The following ACSS2 variants were observed in gnomAD, a reference collection of about 807,000 sequenced individuals.
The protein encoded by ACSS2 is acyl-CoA synthetase short chain family member 2, also known as acetyl-coenzyme A synthetase, cytoplasmic.
A neutral mutation model predicts 90.6 loss-of-function variants in ACSS2; 58 were observed. The ratio of observed to expected loss-of-function variants is 0.64; its 90% CI spans 0.52 to 0.80. The LOEUF is 0.80. Among genes scored for constraint, ACSS2 ranks in the 30% least tolerant of loss-of-function variants. The probability of loss-of-function intolerance (pLI) is 0.00; values close to 1 mark genes in which losing one functional copy is unlikely to be tolerated. For missense variants in ACSS2, 759 were observed against 912.0 expected (o/e 0.83, Z 2.16); for synonymous variants, 300 against 330.9 (o/e 0.91, Z 1.01).
At chr20:34,882,522 T>A (rs1343938282) in intron 1 of ACSS2, among the ~76,000 whole-genome samples, 1 of 151,956 alleles carries the variant, frequency 6.6e-6, no homozygotes, top group Non-Finnish European at 1.5e-5. Flanking sequence ...CTCGGGAGGC[T>A]GAGGCAGGAG....
Position 34,913,480 on chromosome 20 carries a change from C to T in ACSS2, c.554C>T (p.Ala185Val). The T allele has an allele frequency of 6.2e-7, 1 of 1,612,628 alleles. No homozygotes were observed. Among genetic ancestry groups the T allele is most frequent in the African/African-American group, 1.3e-5 (1 of 74,694 alleles). ...VAMLACARIG[A>V]LHSIVFAGFS... ...ATGCTGGCATGTGCCCGCATTGGGG[C>T]TTTGCACTCCATTGTGGTAGGAGTT... Residue 185 changes from alanine to valine, a missense_variant, in exon 4 of 18, where the codon GCT (alanine) becomes GTT (valine). Coordinates refer to ENST00000360596, the MANE Select transcript of ACSS2 (RefSeq NM_018677.4).
intron 2 of ACSS2, among the ~76,000 whole-genome samples, chr20:34,906,908 C>T (rs1467314544): frequency 6.9e-6 from 1 of 144,664 alleles, no homozygotes; most frequent in Admixed American, 7.0e-5. Flanking sequence ...TGCTTGAACC[C>T]TGGAGGCGGA....
chr20:34,890,830 C>G (rs1349963684), intron 2 of ACSS2, among the ~76,000 whole-genome samples: 1 of 151,748 alleles, frequency 6.6e-6, no homozygotes, highest in Non-Finnish European at 1.5e-5. Flanking sequence ...AGGATTGACC[C>G]TAGGACAGAA....
intron 2 of ACSS2, among the ~76,000 whole-genome samples, chr20:34,899,141 C>T (rs1267253912): frequency 2.0e-5 from 3 of 152,206 alleles, no homozygotes. Flanking sequence ...CTCCAGCTGG[C>T]CCGCAAGCTC....
chr20:34,901,621 T>G (rs1253588215), intron 2 of ACSS2, among the ~76,000 whole-genome samples: 3 of 152,242 alleles, frequency 2.0e-5, no homozygotes, highest in African/African-American at 7.2e-5. Flanking sequence ...CAGTGCTTTA[T>G]GGATCACAGA....
chr20:34,919,721 A>G, intron 8 of ACSS2, 149 bp downstream of exon 8: 1 of 1,268,270 alleles, frequency 7.9e-7, no homozygotes, highest in Admixed American at 2.3e-5. Context: ...TCTTTTCTAA[A>G]TCAAATTAAG....
intron 2 of ACSS2, among the ~76,000 whole-genome samples, chr20:34,899,416 T>TTCTTTC (rs1555882540): frequency 1.6e-3 from 182 of 116,466 alleles, no homozygotes; most frequent in African/African-American, 3.9e-3. Context: ...CTTTCTTTCT[T>TTCTTTC]TCTTTCTTTC....
At chr20:34,918,734 A>G (rs1421006743) in intron 7 of ACSS2, among the ~76,000 whole-genome samples, 1 of 152,190 alleles carries the variant, frequency 6.6e-6, no homozygotes, top group Non-Finnish European at 1.5e-5. Flanking sequence ...TTTTACTACT[A>G]ACAGGGTCAG....
At chr20:34,900,621 G>A (rs557028275) in intron 2 of ACSS2, among the ~76,000 whole-genome samples, 14 of 152,260 alleles carry the variant, frequency 9.2e-5, no homozygotes, top group African/African-American at 2.2e-4. Context: ...TGAAAAGCCC[G>A]TCCAAATTTG....
intron 2 of ACSS2, among the ~76,000 whole-genome samples, chr20:34,899,851 A>G (rs898315836): frequency 2.0e-5 from 3 of 152,114 alleles, no homozygotes; most frequent in African/African-American, 7.2e-5. Context: ...TTCTGATGTC[A>G]TGAATAACGC....
chr20:34,924,660 A>G (rs533965304), intron 14 of ACSS2, among the ~76,000 whole-genome samples: 2 of 151,826 alleles, frequency 1.3e-5, no homozygotes, highest in East Asian at 3.9e-4. Context: ...ATTTTATTCA[A>G]AGTACAGTGG....
rs752608901 is a variant in ACSS2 at position 34,914,112 on chromosome 20, G to C, written c.660G>C (p.Gly220=). ...LLITTDAFYR[G]EKLVNLKELA... ...TCCCCAAAGATGCCTTCTACAGGGG[G>C]GAAAAGCTTGTGAACCTGAAGGAGC... is the stretch of plus-strand genomic sequence containing the variant. Residue 220 remains glycine, a synonymous_variant, in exon 6 of 18, where the codon GGG becomes GGC. Transcript: ENST00000360596. 2 of 1,614,158 alleles carry C rather than the reference G, an allele frequency of 1.2e-6. No homozygotes were observed. The highest frequency in any genetic ancestry group is 3.3e-5 in the Admixed American group (2 of 60,022).
chr20:34,893,949 T>C (rs2080400451), intron 2 of ACSS2, among the ~76,000 whole-genome samples: 1 of 152,138 alleles, frequency 6.6e-6, no homozygotes, highest in Non-Finnish European at 1.5e-5. Context: ...CCTGGAATAC[T>C]TTACACACAG....
chr20:34,925,780 G>A lies in ACSS2; in HGVS notation c.1726+14G>A, dbSNP rs756640964. Reference sequence around the variant, plus strand: ...TCAATGTATCTGGTGAGGGCCAGGGGCCACCTTCCCATCTTATTAACTCTG... The same window carrying A: ...TCAATGTATCTGGTGAGGGCCAGGGACCACCTTCCCATCTTATTAACTCTG... On this transcript the variant is annotated intron_variant, in intron 15 of 17. Transcript: ENST00000360596. 2.5e-5 allele frequency: 41 copies of A among 1,610,218 alleles called. No individual in the cohort carries two copies. In the Admixed American group the frequency reaches 5.9e-4, roughly 23 times the overall value.
upstream of ACSS2, chr20:34,875,263 T>G: frequency 2.0e-6 from 1 of 490,398 alleles, no homozygotes; most frequent in South Asian, 1.5e-5. Context: ...AGTAAAGAGA[T>G]TGTGAAGGAA....
At chr20:34,895,574 C>A (rs925892318) in intron 2 of ACSS2, among the ~76,000 whole-genome samples, 4 of 152,304 alleles carry the variant, frequency 2.6e-5, no homozygotes, top group African/African-American at 4.8e-5. Flanking sequence ...CATTGATTTG[C>A]TTTCTTGGGG....
At chr20:34,903,637 T>A (rs1368540243) in intron 2 of ACSS2, among the ~76,000 whole-genome samples, 2 of 152,128 alleles carry the variant, frequency 1.3e-5, no homozygotes, top group African/African-American at 4.8e-5. Flanking sequence ...TCCATCTGAT[T>A]CCTCTGTAAA....
At chr20:34,881,125 C>G (rs1211588855) in intron 1 of ACSS2, among the ~76,000 whole-genome samples, 1 of 145,536 alleles carries the variant, frequency 6.9e-6, no homozygotes, top group Non-Finnish European at 1.5e-5. Flanking sequence ...CTCCCAGGTT[C>G]AGGCGATTCT....
intron 7 of ACSS2, among the ~76,000 whole-genome samples, chr20:34,916,789 G>T (rs890658441): frequency 1.3e-5 from 2 of 152,030 alleles, no homozygotes; most frequent in Admixed American, 1.3e-4. Context: ...GGAGATCCTG[G>T]CAGGGTTTGC....
Sources: gnomAD v4.1 joint callset for allele counts (sites outside exome capture counted in the v4.1 genomes callset) on GRCh38, gnomAD v4.1.1 for gene constraint, MANE v1.5 for transcripts, NCBI Gene and HGNC (gene_info 2026-07-23, HGNC 2026-07-21) for gene names.